Variants in RAB3B observed in about 807,000 individuals in gnomAD.
The protein encoded by RAB3B is RAB3B, member RAS oncogene family.
Under a neutral mutation model 20.5 loss-of-function variants are expected in RAB3B, and 11 were observed. That is an observed-to-expected ratio of 0.54 (90% CI 0.34 to 0.89). RAB3B has a LOEUF of 0.89. Among genes scored for constraint, RAB3B ranks in the 40% least tolerant of loss-of-function variants. The pLI is 0.02. For missense variants in RAB3B, 225 were observed against 280.9 expected, an observed-to-expected ratio of 0.80 and a Z score of 1.42; for synonymous variants, 99 against 106.3, an observed-to-expected ratio of 0.93 and a Z score of 0.42.
At chr1:51,981,171 C>A (rs947955025) in intron 1 of RAB3B, among the ~76,000 whole-genome samples, 4 of 152,178 alleles carry the variant, frequency 2.6e-5, no homozygotes, top group African/African-American at 9.7e-5. Context: ...GCTGGGACTA[C>A]AGGCATGTGC....
chr1:51,922,995 C>T (rs552857854), intron 4 of RAB3B, among the ~76,000 whole-genome samples: 1 of 152,328 alleles, frequency 6.6e-6, no homozygotes, highest in South Asian at 2.1e-4. Flanking sequence ...CAGTGACTGG[C>T]CCACCAAGTC....
intron 1 of RAB3B, among the ~76,000 whole-genome samples, chr1:51,989,009 G>T (rs1685183659): frequency 6.7e-6 from 1 of 149,604 alleles, no homozygotes; most frequent in African/African-American, 2.4e-5. Context: ...CAGGGCACCA[G>T]GGCTTTCCAC....
chr1:51,974,842 A>G (rs1171137379), intron 2 of RAB3B, among the ~76,000 whole-genome samples: 1 of 152,266 alleles, frequency 6.6e-6, no homozygotes, highest in East Asian at 1.9e-4. Context: ...GAAAAGTACT[A>G]CATACAGACT....
At chr1:51,932,094 C>G (rs192909754) in intron 4 of RAB3B, among the ~76,000 whole-genome samples, 4 of 152,262 alleles carry the variant, frequency 2.6e-5, no homozygotes, top group South Asian at 4.1e-4. Context: ...TAGTTTGCTA[C>G]AGTTTACAGG....
chr1:51,967,593 C>A lies in RAB3B; in HGVS notation c.228+9297G>T, dbSNP rs548832795. ...CTGGAGTGCAGTGGTGTGGTTATAG[C>A]TCAAGGCAGCCTTGACCTCCCAGGC... On this transcript the variant is annotated intron_variant, in intron 2 of 4. Transcript: ENST00000371655. Among the ~76,000 whole-genome samples, 7 of 130,918 alleles carry A rather than the reference C, an allele frequency of 5.3e-5. No individual in the cohort carries two copies. In the South Asian group the frequency reaches 1.6e-3, roughly 30 times the overall value. 85.9% of individuals were successfully genotyped at this position (130,918 alleles called of 152,430 possible). A position where few individuals can be genotyped will look rare whatever the true frequency, so the allele number is the denominator to read the frequency against.
chr1:51,983,959 C>CA (rs945896344), intron 1 of RAB3B, among the ~76,000 whole-genome samples: 41 of 149,346 alleles, frequency 2.7e-4, no homozygotes, highest in South Asian at 8.5e-4. Flanking sequence ...GACACTGTCT[C>CA]AAAAAAAAAG....
chr1:51,938,729 G>A (rs917250198), intron 2 of RAB3B, among the ~76,000 whole-genome samples: 1 of 149,086 alleles, frequency 6.7e-6, no homozygotes, highest in Admixed American at 6.7e-5. Context: ...AGGCTGGAGT[G>A]CAGTGGAGCA....
chr1:51,951,756 G>A (rs1394650716), intron 2 of RAB3B, among the ~76,000 whole-genome samples: 1 of 152,186 alleles, frequency 6.6e-6, no homozygotes, highest in Non-Finnish European at 1.5e-5. Flanking sequence ...GGGGGCTGCA[G>A]TGAGCCATAG....
chr1:51,935,331 T>A (rs1483392688), intron 3 of RAB3B, among the ~76,000 whole-genome samples: 3 of 152,174 alleles, frequency 2.0e-5, no homozygotes. Flanking sequence ...CCACTTCTTG[T>A]GGGCCCACAG....
intron 2 of RAB3B, among the ~76,000 whole-genome samples, chr1:51,942,544 TTACTCACTATGTGAC>T: frequency 6.6e-6 from 1 of 152,348 alleles, no homozygotes; most frequent in Non-Finnish European, 1.5e-5. Context: ...ATTCTACCAC[TTACTCACTATGTGAC>T]TATAGTACAC....
At position 51,913,762 on chromosome 1, in the gene RAB3B, G is replaced by A. The variant is rs977810987; in HGVS notation, c.*6165C>T. On this transcript the variant is annotated 3_prime_UTR_variant, in exon 5 of 5. Coordinates refer to ENST00000371655, the MANE Select transcript of RAB3B (RefSeq NM_002867.4). ...GCTGGGATTACAGACATGAGCCACTGAGCCAAGCCCTATTTCTCCATTTCT... is the reference window on the plus strand; with the variant it reads ...GCTGGGATTACAGACATGAGCCACTAAGCCAAGCCCTATTTCTCCATTTCT... 1.3e-5 allele frequency: 2 copies of A among 152,194 alleles called. No individual in the cohort carries two copies. The highest frequency in any genetic ancestry group is 4.8e-5 in the African/African-American group (2 of 41,434). The allele number at this position is 152,194 out of a possible 1,614,324, so 9.4% of individuals were successfully genotyped here. A position where few individuals can be genotyped will look rare whatever the true frequency, so the allele number is the denominator to read the frequency against.
intron 4 of RAB3B, among the ~76,000 whole-genome samples, chr1:51,925,161 C>G (rs1021537495): frequency 2.6e-5 from 4 of 152,204 alleles, no homozygotes; most frequent in Non-Finnish European, 5.9e-5. Flanking sequence ...CCCAACACTG[C>G]TCCAGAACAT....
intron 2 of RAB3B, among the ~76,000 whole-genome samples, chr1:51,970,132 A>T (rs1208199380): frequency 6.6e-6 from 1 of 151,906 alleles, no homozygotes; most frequent in Admixed American, 6.6e-5. Flanking sequence ...CAAAAACTAG[A>T]ATCCAGGACC....
At position 51,910,974 on chromosome 1, in the gene RAB3B, G is replaced by A. The variant is rs956244634; in HGVS notation, c.*8953C>T. 6.6e-6 allele frequency: 1 copy of A among 152,144 alleles called. No individual in the cohort carries two copies. The highest frequency in any genetic ancestry group is 2.4e-5 in the African/African-American group (1 of 41,438). The allele number at this position is 152,144 out of a possible 1,614,324, so 9.4% of individuals were successfully genotyped here. A position where few individuals can be genotyped will look rare whatever the true frequency, so the allele number is the denominator to read the frequency against. On this transcript the variant is annotated 3_prime_UTR_variant, in exon 5 of 5. Coordinates refer to ENST00000371655, the MANE Select transcript of RAB3B (RefSeq NM_002867.4). ...CCAGAGATTTCCTATTTAAGCGTTTGCTATTTGGCCACTTAAAAAAGACAG... is the reference window on the plus strand; with the variant it reads ...CCAGAGATTTCCTATTTAAGCGTTTACTATTTGGCCACTTAAAAAAGACAG...
chr1:51,961,139 C>T (rs895398318), intron 2 of RAB3B, among the ~76,000 whole-genome samples: 10 of 152,124 alleles, frequency 6.6e-5, no homozygotes, highest in South Asian at 4.1e-4. Flanking sequence ...CACCCTATGC[C>T]CAGAACATGC....
rs61590258 is a variant in RAB3B at position 51,912,542 on chromosome 1, T to TAAAAAAAAAAAAAAA, written c.*7384_*7385insTTTTTTTTTTTTTTT. ...GGCAACATAGCAAGACCGTCTCTAT[T>TAAAAAAAAAAAAAAA]AAAAAAAAAAAAATATATATATATA... On this transcript the variant is annotated 3_prime_UTR_variant, in exon 5 of 5. Transcript: ENST00000371655. 9.4e-4 allele frequency: 6 copies of TAAAAAAAAAAAAAAA among 6,388 alleles called. 2 individuals are homozygous for TAAAAAAAAAAAAAAA. The highest frequency in any genetic ancestry group is 7.2e-3 in the Admixed American group (2 of 276). The allele number at this position is 6,388 out of a possible 1,614,324, so 0.4% of individuals were successfully genotyped here.
At position 51,915,111 on chromosome 1, in the gene RAB3B, G is replaced by A. The variant is rs1170582727; in HGVS notation, c.*4816C>T. ...TTTGAAAGAGCATGAGTCAGACAGA[G>A]GAGGGTTCAAATGATGCTAGTGGGT... is the stretch of plus-strand genomic sequence containing the variant. On this transcript the variant is annotated 3_prime_UTR_variant, in exon 5 of 5. Coordinates refer to ENST00000371655, the MANE Select transcript of RAB3B (RefSeq NM_002867.4). 1.3e-5 allele frequency: 2 copies of A among 152,194 alleles called. No individual in the cohort carries two copies. Among genetic ancestry groups the A allele is most frequent in the East Asian group, 3.8e-4 (2 of 5,204 alleles). The allele number at this position is 152,194 out of a possible 1,614,324, so 9.4% of individuals were successfully genotyped here. A position where few individuals can be genotyped will look rare whatever the true frequency, so the allele number is the denominator to read the frequency against.
Position 51,917,723 on chromosome 1 carries a change from AT to A in RAB3B, c.*2203del, listed in dbSNP as rs903827477. 60 of 147,314 alleles carry A rather than the reference AT, an allele frequency of 4.1e-4. No individual in the cohort carries two copies. Among genetic ancestry groups the A allele is most frequent in the Admixed American group, 6.1e-4 (9 of 14,694 alleles). The allele number at this position is 147,314 out of a possible 1,614,324, so 9.1% of individuals were successfully genotyped here. A position where few individuals can be genotyped will look rare whatever the true frequency, so the allele number is the denominator to read the frequency against. Reference sequence around the variant, plus strand: ...AGGCATGCACCATCACATCTGGCTAATTTTTTTTTTTGTAGGGATAGAATTT... The same window carrying A: ...AGGCATGCACCATCACATCTGGCTAATTTTTTTTTTGTAGGGATAGAATTT... On this transcript the variant is annotated 3_prime_UTR_variant, in exon 5 of 5. Coordinates refer to ENST00000371655, the MANE Select transcript of RAB3B (RefSeq NM_002867.4).
At chr1:51,923,024 T>C (rs1010417022) in intron 4 of RAB3B, among the ~76,000 whole-genome samples, 11 of 152,158 alleles carry the variant, frequency 7.2e-5, no homozygotes, top group African/African-American at 2.7e-4. Flanking sequence ...GCATTGACCT[T>C]GTGCCATGTC....
Sources: allele counts gnomAD v4.1 joint callset (sites outside exome capture counted in the v4.1 genomes callset), GRCh38; gene constraint gnomAD v4.1.1; transcripts MANE v1.5; gene names NCBI Gene and HGNC (gene_info 2026-07-23, HGNC 2026-07-21).